Variants in CACNB2 observed in about 807,000 individuals in gnomAD.
The protein encoded by CACNB2 is voltage-dependent L-type calcium channel subunit beta-2.
A neutral mutation model predicts 73.3 loss-of-function variants in CACNB2; 42 were observed. That is an observed-to-expected ratio of 0.57 (90% CI 0.45 to 0.74). The LOEUF (loss-of-function observed/expected upper bound fraction) is 0.74, where lower values mean the gene tolerates loss of function less well. Ranked by LOEUF, CACNB2 falls within the 30% of genes least tolerant of loss-of-function variation. The probability of loss-of-function intolerance (pLI) is 0.00; values close to 1 mark genes in which losing one functional copy is unlikely to be tolerated. For missense variants in CACNB2, 940 were observed against 853.0 expected (o/e 1.10, Z -1.27); for synonymous variants, 348 against 310.3 (o/e 1.12, Z -1.28).
intron 2 of CACNB2, among the ~76,000 whole-genome samples, chr10:18,334,393 G>A (rs1365555588): frequency 4.6e-5 from 7 of 152,208 alleles, no homozygotes; most frequent in Middle Eastern, 3.4e-3. Context: ...ACGGGGGTCT[G>A]GTTTTTCTCC....
chr10:18,366,322 G>A (rs1163084314), intron 2 of CACNB2, among the ~76,000 whole-genome samples: 1 of 151,612 alleles, frequency 6.6e-6, no homozygotes, highest in African/African-American at 2.4e-5. Flanking sequence ...AAAATTAGCC[G>A]GGCGTGGTGG....
At chr10:18,434,977 C>G (rs2046062639) in intron 3 of CACNB2, among the ~76,000 whole-genome samples, 1 of 152,158 alleles carries the variant, frequency 6.6e-6, no homozygotes, top group South Asian at 2.1e-4. Context: ...CTAAAAGGGT[C>G]TCTAGAGCTT....
intron 2 of CACNB2, among the ~76,000 whole-genome samples, chr10:18,315,200 G>C (rs1490479479): frequency 6.6e-6 from 1 of 151,958 alleles, no homozygotes; most frequent in Non-Finnish European, 1.5e-5. Context: ...AGGGTGTGGT[G>C]GCACACATCT....
chr10:18,375,258 C>G (rs2042748377), intron 2 of CACNB2, among the ~76,000 whole-genome samples: 1 of 152,242 alleles, frequency 6.6e-6, no homozygotes, highest in South Asian at 2.1e-4. Flanking sequence ...GTGTCTTCTT[C>G]TCTTTTATTT....
intron 1 of CACNB2, among the ~76,000 whole-genome samples, chr10:18,141,446 G>T (rs2030393714): frequency 2.0e-5 from 3 of 152,222 alleles, no homozygotes; most frequent in East Asian, 1.9e-4. Context: ...ACTTGCCAAG[G>T]TTTGCCTGTC....
intron 2 of CACNB2, among the ~76,000 whole-genome samples, chr10:18,171,550 G>T (rs1476484164): frequency 7.8e-5 from 3 of 38,618 alleles, no homozygotes; most frequent in South Asian, 7.5e-4. Context: ...AAAAAAAAAA[G>T]GCTATTTGTT....
chr10:18,356,938 A>ATGTCTTTTTTTTTTTTTTTTTT lies in CACNB2; in HGVS notation c.214-44985_214-44984insGTCTTTTTTTTTTTTTTTTTTT, dbSNP rs1436280481. 1.2e-4 allele frequency among the ~76,000 whole-genome samples: 11 copies of ATGTCTTTTTTTTTTTTTTTTTT among 94,444 alleles called. 2 individuals carry two copies. Among genetic ancestry groups the ATGTCTTTTTTTTTTTTTTTTTT allele is most frequent in the Admixed American group, 2.5e-4 (2 of 7,844 alleles). The allele number at this position is 94,444 out of a possible 152,430, so 62.0% of individuals were successfully genotyped here. On this transcript the variant is annotated intron_variant, in intron 2 of 13. Coordinates refer to ENST00000324631, the MANE Select transcript of CACNB2 (RefSeq NM_201596.3). ...AGCCACTGTGCCTGGCCCAGACTCA[A>ATGTCTTTTTTTTTTTTTTTTTT]TTTCTTTTTTTTTTTTTTTTTTTTG...
At chr10:18,161,642 T>TTC (rs2032470053) in intron 2 of CACNB2, among the ~76,000 whole-genome samples, 1 of 149,214 alleles carries the variant, frequency 6.7e-6, no homozygotes, top group South Asian at 2.1e-4. Flanking sequence ...TTTTTTTTTT[T>TTC]ATAACAACTG....
At chr10:18,444,017 G>A (rs982535448) in intron 3 of CACNB2, among the ~76,000 whole-genome samples, 5 of 151,998 alleles carry the variant, frequency 3.3e-5, no homozygotes, top group Admixed American at 6.6e-5. Flanking sequence ...ACCCAGCCAC[G>A]CCCTTTCTTA....
At chr10:18,402,189 G>A in intron 3 of CACNB2, 146 bp downstream of exon 3, 1 of 889,872 alleles carries the variant, frequency 1.1e-6, no homozygotes, top group South Asian at 1.4e-5. Context: ...ATGGAGCCTA[G>A]TTTCTTCCCT....
chr10:18,220,239 A>AGGG (rs1291259522), intron 2 of CACNB2, among the ~76,000 whole-genome samples: 3 of 69,438 alleles, frequency 4.3e-5, no homozygotes, highest in African/African-American at 2.7e-4. Flanking sequence ...ATATAGAGAG[A>AGGG]GAGAGAGAGA....
chr10:18,491,151 A>G (rs1449414025), intron 3 of CACNB2, among the ~76,000 whole-genome samples: 3 of 152,234 alleles, frequency 2.0e-5, no homozygotes, highest in Admixed American at 6.5e-5. Flanking sequence ...CAATAAGAAG[A>G]AAGAGTAAAT....
chr10:18,464,977 T>G (rs1032697666), intron 3 of CACNB2, among the ~76,000 whole-genome samples: 14 of 152,174 alleles, frequency 9.2e-5, no homozygotes, highest in Admixed American at 7.9e-4. Flanking sequence ...GACTTCGTCT[T>G]GGGACTTGTT....
At chr10:18,237,268 G>A (rs1339080155) in intron 2 of CACNB2, among the ~76,000 whole-genome samples, 1 of 152,144 alleles carries the variant, frequency 6.6e-6, no homozygotes, top group Non-Finnish European at 1.5e-5. Context: ...GAAATAAAGA[G>A]GTTTTAAAGA....
At chr10:18,530,798 A>T (rs556043451) in intron 10 of CACNB2, among the ~76,000 whole-genome samples, 6 of 152,306 alleles carry the variant, frequency 3.9e-5, no homozygotes, top group African/African-American at 1.2e-4. Flanking sequence ...ATGTGGATTA[A>T]TTTAGTCCTC....
At chr10:18,376,036 T>G (rs979976064) in intron 2 of CACNB2, among the ~76,000 whole-genome samples, 1 of 152,218 alleles carries the variant, frequency 6.6e-6, no homozygotes, top group Non-Finnish European at 1.5e-5. Context: ...GAGAGATATT[T>G]GCACTCCCAT....
At position 18,498,620 on chromosome 10, in the gene CACNB2, C is replaced by T; in HGVS notation, c.456+143C>T. 3 of 834,850 alleles carry T rather than the reference C, an allele frequency of 3.6e-6. No individual in the cohort carries two copies. In the South Asian group the frequency reaches 4.3e-5, roughly 12 times the overall value. 51.7% of individuals were successfully genotyped at this position (834,850 alleles called of 1,614,324 possible). A position where few individuals can be genotyped will look rare whatever the true frequency, so the allele number is the denominator to read the frequency against. The stretch of plus-strand genomic sequence containing the variant: ...AACACACATAACTAAATCAATGGCT[C>T]TCAACCTCTGCTAATATAAATATAC... On this transcript the variant is annotated intron_variant, in intron 4 of 13. Coordinates refer to ENST00000324631, the MANE Select transcript of CACNB2 (RefSeq NM_201596.3).
chr10:18,154,085 C>T (rs2131051913), intron 2 of CACNB2, among the ~76,000 whole-genome samples: 1 of 151,548 alleles, frequency 6.6e-6, no homozygotes, highest in East Asian at 1.9e-4. Context: ...TCTACTATAG[C>T]CCTTTGATTA....
intron 3 of CACNB2, among the ~76,000 whole-genome samples, chr10:18,464,418 T>TTAAAAAAAAAAAAAAAAAAAAAAAAAAA (rs1360690647): frequency 7.0e-5 from 6 of 85,302 alleles, no homozygotes; most frequent in East Asian, 4.0e-4. Flanking sequence ...TCTCAAAAAT[T>TTAAAAAAAAAAAAAAAAAAAAAAAAAAA]AAAAAAAAAA....
Sources: allele counts gnomAD v4.1 joint callset (sites outside exome capture counted in the v4.1 genomes callset), GRCh38; gene constraint gnomAD v4.1.1; transcripts MANE v1.5; gene names NCBI Gene and HGNC (gene_info 2026-07-23, HGNC 2026-07-21).